The following PGPEP1L variants were observed in gnomAD, a reference collection of about 807,000 sequenced individuals.
PGPEP1L encodes pyroglutamyl-peptidase I like, also known as pyroglutamyl-peptidase 1-like protein.
PGPEP1L carries 7 observed loss-of-function variants against 6.0 expected under a neutral mutation model. The observed-to-expected ratio is 1.17, with a 90% CI of 0.66 to 2.19. The LOEUF is 2.19. Among genes scored for constraint, PGPEP1L ranks in the 30% most tolerant of loss-of-function variants. The probability of loss-of-function intolerance (pLI) is 0.00; values close to 1 mark genes in which losing one functional copy is unlikely to be tolerated. For missense variants in PGPEP1L, 209 were observed against 192.5 expected, an observed-to-expected ratio of 1.09 and a Z score of -0.51; for synonymous variants, 103 against 83.9, an observed-to-expected ratio of 1.23 and a Z score of -1.24.
intron 2 of PGPEP1L, among the ~76,000 whole-genome samples, chr15:98,977,596 C>CA (rs1284297272): frequency 6.6e-6 from 1 of 152,130 alleles, no homozygotes; most frequent in Non-Finnish European, 1.5e-5. Flanking sequence ...TTTTATGGCC[C>CA]AGGGTATAGT....
intron 2 of PGPEP1L, among the ~76,000 whole-genome samples, chr15:98,987,965 G>A (rs1237264655): frequency 1.3e-5 from 2 of 152,218 alleles, no homozygotes; most frequent in Non-Finnish European, 2.9e-5. Flanking sequence ...CAGATACTGC[G>A]CTTTTCCTAT....
intron 2 of PGPEP1L, among the ~76,000 whole-genome samples, chr15:98,976,996 A>C (rs1252266730): frequency 1.3e-5 from 1 of 79,418 alleles, no homozygotes; most frequent in Non-Finnish European, 2.7e-5. Context: ...GAGGTCAAGT[A>C]AAATGGCAAA....
At chr15:98,981,489 C>CA (rs769918543) in intron 2 of PGPEP1L, among the ~76,000 whole-genome samples, 14,483 of 81,480 alleles carry the variant, frequency 0.18, 1,037 homozygotes, top group East Asian at 0.44. Context: ...GACTCCGTCT[C>CA]AAAAAAAAAA....
chr15:98,979,117 G>A (rs1424203380), intron 2 of PGPEP1L, among the ~76,000 whole-genome samples: 2 of 152,006 alleles, frequency 1.3e-5, no homozygotes, highest in African/African-American at 2.4e-5. Flanking sequence ...TGGATTCTGT[G>A]AAACAAGATA....
intron 2 of PGPEP1L, among the ~76,000 whole-genome samples, chr15:98,977,655 G>C (rs2017589869): frequency 6.6e-6 from 1 of 152,200 alleles, no homozygotes; most frequent in South Asian, 2.1e-4. Context: ...TGTGTTCCAT[G>C]CTGGGTGGAG....
In PGPEP1L at chr15:98,971,085, C is replaced by T; in HGVS notation, c.-68G>A. 3 of 1,613,648 alleles carry T rather than the reference C, an allele frequency of 1.9e-6. No individual in the cohort carries two copies. The highest frequency in any genetic ancestry group is 2.5e-6 in the Non-Finnish European group (3 of 1,179,760). ...TCCGGTGACCCTCCGCTTAGCCTCC[C>T]TGTAATCTACAGGCAGCTCCAGAGT... is the stretch of plus-strand genomic sequence containing the variant. On this transcript the variant is annotated 5_prime_UTR_variant, in exon 3 of 5. Coordinates refer to ENST00000535714, the MANE Select transcript of PGPEP1L (RefSeq NM_001167902.2).
In PGPEP1L at chr15:98,969,541, G is replaced by A. The variant is rs749175178; in HGVS notation, c.93C>T (p.Gly31=). Residue 31 remains glycine, a synonymous_variant, in exon 4 of 5, where the codon GGC becomes GGT. Coordinates refer to ENST00000535714, the MANE Select transcript of PGPEP1L (RefSeq NM_001167902.2). The part of the protein sequence containing the change: ...DADIRSFWPE[G]GVCLPGSPDV... ...CTGGGCTGCCAGGTAGGCACACGCC[G>A]CCCTCGGGCCAGAAGCTGCGGATGT... is the stretch of plus-strand genomic sequence containing the variant. 40 of 1,613,870 alleles carry A rather than the reference G, an allele frequency of 2.5e-5. No homozygotes were observed. Among genetic ancestry groups the A allele is most frequent in the East Asian group, 2.2e-4 (10 of 44,904 alleles).
At chr15:98,977,003 CAAA>C (rs11385185) in intron 2 of PGPEP1L, among the ~76,000 whole-genome samples, 55,955 of 128,978 alleles carry the variant, frequency 0.43, 11,286 homozygotes, top group South Asian at 0.54. Context: ...AGTAAAATGG[CAAA>C]AAAAAAAAAA....
intron 2 of PGPEP1L, among the ~76,000 whole-genome samples, chr15:99,002,229 C>T (rs1468843526): frequency 1.3e-5 from 2 of 152,114 alleles, no homozygotes; most frequent in Non-Finnish European, 2.9e-5. Context: ...CTCCTGGTCT[C>T]AGGTGATCTG....
intron 2 of PGPEP1L, among the ~76,000 whole-genome samples, chr15:98,972,543 C>A (rs1016452565): frequency 6.6e-6 from 1 of 151,804 alleles, no homozygotes; most frequent in African/African-American, 2.4e-5. Flanking sequence ...TCAATCATAA[C>A]CTTGAGTGGA....
chr15:98,977,756 G>A (rs1464844338), intron 2 of PGPEP1L, among the ~76,000 whole-genome samples: 1 of 152,240 alleles, frequency 6.6e-6, no homozygotes, highest in East Asian at 1.9e-4. Flanking sequence ...GTCCGTTATT[G>A]AGAGGGGTAC....
At chr15:98,984,072 A>C (rs528159119) in intron 2 of PGPEP1L, among the ~76,000 whole-genome samples, 3 of 133,622 alleles carry the variant, frequency 2.2e-5, no homozygotes. Flanking sequence ...GCTGGAGTGC[A>C]GTGGCGCAGC....
intron 2 of PGPEP1L, among the ~76,000 whole-genome samples, chr15:98,981,933 T>C (rs548408628): frequency 1.3e-4 from 20 of 152,192 alleles, no homozygotes; most frequent in African/African-American, 4.1e-4. Flanking sequence ...ATGTAGGAAG[T>C]AGGGGGACCC....
chr15:98,970,530 C>G (rs1000281989), intron 3 of PGPEP1L, among the ~76,000 whole-genome samples: 22 of 138,302 alleles, frequency 1.6e-4, no homozygotes, highest in Middle Eastern at 3.6e-3. Context: ...CTCATCACAT[C>G]TGGTCCTTGT....
chr15:98,970,173 C>T (rs905858082), intron 3 of PGPEP1L, among the ~76,000 whole-genome samples: 6 of 152,052 alleles, frequency 3.9e-5, no homozygotes, highest in South Asian at 2.1e-4. Context: ...CTCAGCCTCC[C>T]GAGTAGCGGG....
intron 2 of PGPEP1L, among the ~76,000 whole-genome samples, chr15:98,982,699 GCTTTTTTTTTTT>G (rs2017682665): frequency 1.4e-5 from 1 of 73,466 alleles, no homozygotes; most frequent in Non-Finnish European, 3.3e-5. Flanking sequence ...TTTATCTGAG[GCTTTTTTTTTTT>G]TTTTTTTTTT....
At chr15:99,003,203 TAAAAA>T (rs11292817) in intron 2 of PGPEP1L, among the ~76,000 whole-genome samples, 3 of 135,128 alleles carry the variant, frequency 2.2e-5, no homozygotes, top group African/African-American at 8.4e-5. Flanking sequence ...ATAGTGAGAT[TAAAAA>T]AAAAAAAAAG....
chr15:98,992,144 A>C (rs1555472146), intron 2 of PGPEP1L, among the ~76,000 whole-genome samples: 1 of 152,244 alleles, frequency 6.6e-6, no homozygotes, highest in East Asian at 1.9e-4. Context: ...AAATAGGAAG[A>C]GAAGAAGTCA....
At chr15:98,974,237 G>C (rs1311842811) in intron 2 of PGPEP1L, among the ~76,000 whole-genome samples, 4 of 152,036 alleles carry the variant, frequency 2.6e-5, no homozygotes, top group Admixed American at 2.6e-4. Flanking sequence ...AAATTAGCTA[G>C]GCCTGCTGGC....
Sources: allele counts gnomAD v4.1 joint callset (sites outside exome capture counted in the v4.1 genomes callset), GRCh38; gene constraint gnomAD v4.1.1; transcripts MANE v1.5; gene names NCBI Gene and HGNC (gene_info 2026-07-23, HGNC 2026-07-21).